The following SHE variants were observed in gnomAD, a reference collection of about 807,000 sequenced individuals.
The protein encoded by SHE is Src homology 2 domain containing E.
Under a neutral mutation model 49.8 loss-of-function variants are expected in SHE, and 11 were observed. That is an observed-to-expected ratio of 0.22 (90% CI 0.14 to 0.37). The LOEUF is 0.37. SHE is among the 10% of genes least tolerant of loss of function. The probability of loss-of-function intolerance (pLI) is 1.00; values close to 1 mark genes in which losing one functional copy is unlikely to be tolerated. For synonymous variants in SHE, 310 were observed against 278.1 expected (o/e 1.11, Z -1.14); for missense variants, 624 against 655.5 (o/e 0.95, Z 0.52).
intron 3 of SHE, among the ~76,000 whole-genome samples, chr1:154,486,959 C>G (rs1303363510): frequency 6.6e-6 from 1 of 152,120 alleles, no homozygotes; most frequent in Non-Finnish European, 1.5e-5. Flanking sequence ...TAATGTATTT[C>G]AACATGGACT....
intron 2 of SHE, among the ~76,000 whole-genome samples, chr1:154,494,379 T>G (rs1692461008): frequency 6.7e-6 from 1 of 149,384 alleles, no homozygotes; most frequent in South Asian, 2.1e-4. Context: ...TAACAGTTTT[T>G]TTTTTTTTTT....
Position 154,501,590 on chromosome 1 carries a change from C to CT in SHE, c.436dup (p.Arg146LysfsTer21). 1 of 1,614,176 alleles carries CT rather than the reference C, an allele frequency of 6.2e-7. No individual in the cohort carries two copies. The highest frequency in any genetic ancestry group is 8.5e-7 in the Non-Finnish European group (1 of 1,180,010). ...CTCCTGAGTGTCCACCTTGATGAGC[C>CT]TGTTGATGTAGGTGCTGCAGCCCGA... On this transcript the variant is annotated frameshift_variant, in exon 1 of 6. Transcript: ENST00000304760. LOFTEE classifies it high-confidence loss of function.
At position 154,486,646 on chromosome 1, in the gene SHE, C is replaced by A; in HGVS notation, c.1062G>T (p.Glu354Asp). The change falls in exon 4 of 6, where the codon GAG becomes GAT. Residue 354 changes from glutamate to aspartate, a missense_variant. Glu to Asp is a conservative substitution (Grantham distance 45). Coordinates refer to ENST00000304760, the MANE Select transcript of SHE (RefSeq NM_001010846.3). ...FEGAERPSFREETVRQHHRQK... is the reference protein window; with the variant it reads ...FEGAERPSFRDETVRQHHRQK... ...GCCGGTGGTGCTGCCTCACTGTCTC[C>A]TCCCTGAAGGAAGGTCGCTCAGCTC... The A allele has an allele frequency of 6.2e-7, 1 of 1,614,144 alleles. No individual in the cohort carries two copies. Among genetic ancestry groups the A allele is most frequent in the South Asian group, 1.1e-5 (1 of 91,078 alleles).
intron 2 of SHE, among the ~76,000 whole-genome samples, chr1:154,489,815 T>C (rs769434930): frequency 2.6e-4 from 39 of 152,226 alleles, no homozygotes; most frequent in Admixed American, 5.9e-4. Context: ...ACTTAATACA[T>C]GTAACTTACT....
At chr1:154,475,753 G>A (rs539684118), downstream of SHE, among the ~76,000 whole-genome samples, 2 of 152,280 alleles carry the variant, frequency 1.3e-5, no homozygotes, top group South Asian at 2.1e-4. Context: ...TTGATGCTGG[G>A]TGATGGGACA....
At chr1:154,472,681 C>A (rs943262447) in intron 1 of SHE, among the ~76,000 whole-genome samples, 5 of 152,200 alleles carry the variant, frequency 3.3e-5, no homozygotes, top group African/African-American at 1.2e-4. Flanking sequence ...GCTGTACAGC[C>A]AGCTTTGAAG....
At position 154,482,887 on chromosome 1, in the gene SHE, A is replaced by G; in HGVS notation, c.*1262T>C. The G allele has an allele frequency of 1.0e-6, 1 of 985,388 alleles. No individual in the cohort carries two copies. The highest frequency in any genetic ancestry group is 1.2e-6 in the Non-Finnish European group (1 of 829,886). 61.0% of individuals were successfully genotyped at this position (985,388 alleles called of 1,614,324 possible). A position where few individuals can be genotyped will look rare whatever the true frequency, so the allele number is the denominator to read the frequency against. On this transcript the variant is annotated 3_prime_UTR_variant, in exon 6 of 6. Coordinates refer to ENST00000304760, the MANE Select transcript of SHE (RefSeq NM_001010846.3). ...CTTTAGAGACCCAGTTCATATAATC[A>G]GATCTTAGGGTTGCATTTTTAAAAA...
rs888657187 is a variant in SHE at position 154,480,885 on chromosome 1, T to C, written c.*3264A>G. ...TCTTATAGGCCTGAAACTAACCAAC[T>C]GAACTTGTCCAGTCATCGCAAGCAA... On this transcript the variant is annotated 3_prime_UTR_variant, in exon 6 of 6. Coordinates refer to ENST00000304760, the MANE Select transcript of SHE (RefSeq NM_001010846.3). The C allele has an allele frequency of 9.1e-6, 9 of 985,422 alleles. No individual in the cohort carries two copies. The highest frequency in any genetic ancestry group is 1.1e-5 in the Non-Finnish European group (9 of 829,940). 61.0% of individuals were successfully genotyped at this position (985,422 alleles called of 1,614,324 possible). A position where few individuals can be genotyped will look rare whatever the true frequency, so the allele number is the denominator to read the frequency against.
intron 2 of SHE, among the ~76,000 whole-genome samples, chr1:154,498,623 C>G (rs1692612187): frequency 6.7e-6 from 1 of 150,354 alleles, no homozygotes; most frequent in East Asian, 2.0e-4. Context: ...GTCTCAAACT[C>G]CTGGCCTCAT....
chr1:154,471,474 G>A (rs1557791185), intron 1 of SHE, among the ~76,000 whole-genome samples: 1 of 151,858 alleles, frequency 6.6e-6, no homozygotes, highest in Non-Finnish European at 1.5e-5. Context: ...ACTCAAGAGG[G>A]TGAGGCGGGA....
At chr1:154,498,798 C>A (rs1692616488) in intron 2 of SHE, among the ~76,000 whole-genome samples, 1 of 152,026 alleles carries the variant, frequency 6.6e-6, no homozygotes, top group Non-Finnish European at 1.5e-5. Flanking sequence ...GAAAGTGGCC[C>A]CAAAATGTAT....
rs1318628180 is a variant in SHE, at chr1:154,501,669, G to C, written c.358C>G (p.Arg120Gly). 1.2e-6 allele frequency: 2 copies of C among 1,613,804 alleles called. No individual in the cohort carries two copies. Among genetic ancestry groups the C allele is most frequent in the East Asian group, 2.2e-5 (1 of 44,876 alleles). The change falls in exon 1 of 6, where the codon CGC (arginine) becomes GGC (glycine). Residue 120 changes from arginine (R) to glycine (G), a missense_variant. This residue lies in a region of SHE where 337 missense variants were observed against 306.0 expected (regional missense o/e 1.10). Coordinates refer to ENST00000304760, the MANE Select transcript of SHE (RefSeq NM_001010846.3). Reference protein sequence around the residue: ...GLIQAAAGKGRKNSRATEEEP... With the variant: ...GLIQAAAGKGGKNSRATEEEP... ...TCCTCCGTGGCCCGGGAGTTTTTGC[G>C]GCCCTTGCCCGCGGCGGCCTGAATC...
rs116702022 is a variant in SHE, at chr1:154,492,515, G to T, written c.719-3159C>A. 3.2e-3 allele frequency among the ~76,000 whole-genome samples: 484 copies of T among 152,270 alleles called. 1 individual carries two copies. Among genetic ancestry groups the T allele is most frequent in the African/African-American group, 0.011 (459 of 41,550 alleles). On this transcript the variant is annotated intron_variant, in intron 2 of 5. Transcript: ENST00000304760. ...GAACTGTCCCTGGCCCCCACCCCCA[G>T]GCCAGGCCAGGTATCTGGGGTTGTC...
intron 2 of SHE, among the ~76,000 whole-genome samples, chr1:154,496,537 C>T (rs773796056): frequency 4.6e-5 from 7 of 152,150 alleles, no homozygotes; most frequent in African/African-American, 1.4e-4. Context: ...GTTTTGCAAA[C>T]GGCATTTCAA....
rs1186343289 is a variant in SHE at position 154,480,891 on chromosome 1, TGTCCA to T, written c.*3253_*3257del. ...AGGCCTGAAACTAACCAACTGAACT[TGTCCA>T]GTCATCGCAAGCAAGTATTTTTTTT... On this transcript the variant is annotated 3_prime_UTR_variant, in exon 6 of 6. Coordinates refer to ENST00000304760, the MANE Select transcript of SHE (RefSeq NM_001010846.3). The T allele has an allele frequency of 2.0e-6, 2 of 985,232 alleles. No homozygotes were observed. The highest frequency in any genetic ancestry group is 3.5e-5 in the African/African-American group (2 of 57,200). The allele number at this position is 985,232 out of a possible 1,614,324, so 61.0% of individuals were successfully genotyped here.
In SHE at chr1:154,501,850, C is replaced by A; in HGVS notation, c.177G>T (p.Gly59=). The change falls in exon 1 of 6, where the codon GGG becomes GGT. Residue 59 remains glycine (G), a synonymous_variant. Transcript: ENST00000304760. ...LKTVSERAKP[G]GGGGKLRKNS... The stretch of plus-strand genomic sequence containing the variant: ...TCTTGCGCAATTTGCCGCCGCCGCC[C>A]CCGGGCTTGGCCCGCTCCGACACGG... 1 of 1,539,708 alleles carries A rather than the reference C, an allele frequency of 6.5e-7. No homozygotes were observed. Among genetic ancestry groups the A allele is most frequent in the East Asian group, 2.5e-5 (1 of 40,762 alleles).
chr1:154,485,960 C>CCT lies in SHE; in HGVS notation c.1282_1283dup (p.Tyr429GlyfsTer6). 6.2e-7 allele frequency: 1 copy of CCT among 1,614,070 alleles called. No individual in the cohort carries two copies. The highest frequency in any genetic ancestry group is 8.5e-7 in the Non-Finnish European group (1 of 1,179,928). On this transcript the variant is annotated frameshift_variant, in exon 5 of 6. Transcript: ENST00000304760. LOFTEE classifies it high-confidence loss of function. The stretch of plus-strand genomic sequence containing the variant: ...TTACTTACTTTAGGGCAATGGAGTA[C>CCT]CTGCTGTTCCCTGACTCACTATTTC...
chr1:154,484,377 AG>A, intron 5 of SHE, 42 bp from the exon 6 acceptor site: 1 of 1,550,650 alleles, frequency 6.4e-7, no homozygotes, highest in Non-Finnish European at 8.9e-7. Flanking sequence ...GAGTGGGCAG[AG>A]GATCCCTCCC....
At position 154,502,084 on chromosome 1, in the gene SHE, G is replaced by A; in HGVS notation, c.-58C>T. Reference sequence around the variant, plus strand: ...AGGCCCCGCGACGGCTGCTCCGTGCGCCCCCGGCCGGCCGTCGCCCACGCC... The same window carrying A: ...AGGCCCCGCGACGGCTGCTCCGTGCACCCCCGGCCGGCCGTCGCCCACGCC... On this transcript the variant is annotated 5_prime_UTR_variant, in exon 1 of 6. Coordinates refer to ENST00000304760, the MANE Select transcript of SHE (RefSeq NM_001010846.3). 1 of 1,203,882 alleles carries A rather than the reference G, an allele frequency of 8.3e-7. No individual in the cohort carries two copies. The highest frequency in any genetic ancestry group is 1.6e-5 in the African/African-American group (1 of 63,532). The allele number at this position is 1,203,882 out of a possible 1,614,324, so 74.6% of individuals were successfully genotyped here.
Sources: allele counts gnomAD v4.1 joint callset (sites outside exome capture counted in the v4.1 genomes callset), GRCh38; gene constraint gnomAD v4.1.1; regional missense constraint gnomAD v4.1.1; transcripts MANE v1.5; gene names NCBI Gene and HGNC (gene_info 2026-07-23, HGNC 2026-07-21).